MAP2K1: variants seen among roughly 807,000 people sequenced by gnomAD.
MAP2K1 encodes the protein mitogen-activated protein kinase kinase 1, also known as dual specificity mitogen-activated protein kinase kinase 1.
MAP2K1 carries 16 observed loss-of-function variants against 46.3 expected under a neutral mutation model. That is an observed-to-expected ratio of 0.35 (90% confidence interval 0.23 to 0.52). The LOEUF is 0.52. Ranked by LOEUF, MAP2K1 falls within the 20% of genes least tolerant of loss-of-function variation. MAP2K1 has a pLI of 0.94. For synonymous variants in MAP2K1, 183 were observed against 185.6 expected, an observed-to-expected ratio of 0.99 and a Z score of 0.11; for missense variants, 263 against 497.1, an observed-to-expected ratio of 0.53 and a Z score of 4.48.
intron 1 of MAP2K1, among the ~76,000 whole-genome samples, chr15:66,401,470 C>G (rs1218538286): frequency 1.3e-5 from 2 of 152,014 alleles, no homozygotes; most frequent in African/African-American, 4.8e-5. Context: ...TTTTGAATTG[C>G]ATCAATTCAG....
chr15:66,479,627 G>A (rs1023391787), intron 5 of MAP2K1, among the ~76,000 whole-genome samples: 1 of 152,212 alleles, frequency 6.6e-6, no homozygotes, highest in Admixed American at 6.5e-5. Context: ...CTACACCAGT[G>A]ATGCAGTGTG....
At chr15:66,420,747 G>GTATA (rs1567002949) in intron 1 of MAP2K1, among the ~76,000 whole-genome samples, 10 of 38,066 alleles carry the variant, frequency 2.6e-4, no homozygotes, top group African/African-American at 7.6e-4. Flanking sequence ...GTGTGTGTGT[G>GTATA]TGTGTGTGTG....
At chr15:66,490,185 A>G (rs1893201753) in intron 10 of MAP2K1, 2 of 527,452 alleles carry the variant, frequency 3.8e-6, no homozygotes, top group African/African-American at 3.8e-5. Flanking sequence ...TGTATATAGT[A>G]TATAATATGC....
chr15:66,462,885 G>A (rs899816468), intron 5 of MAP2K1, among the ~76,000 whole-genome samples: 1 of 152,182 alleles, frequency 6.6e-6, no homozygotes, highest in Non-Finnish European at 1.5e-5. Context: ...GTCAGTGCTC[G>A]GGAAGGGATG....
At chr15:66,433,064 C>T (rs1213808901) in intron 1 of MAP2K1, among the ~76,000 whole-genome samples, 1 of 151,210 alleles carries the variant, frequency 6.6e-6, no homozygotes, top group East Asian at 1.9e-4. Flanking sequence ...GCTGTAACCT[C>T]ACTCAGGTTT....
intron 1 of MAP2K1, among the ~76,000 whole-genome samples, chr15:66,404,889 T>C (rs891849): frequency 0.98 from 149,280 of 152,280 alleles, 73,240 homozygotes; most frequent in East Asian, 1. Flanking sequence ...AAGTTGCTTT[T>C]TTGATAGACA....
intron 1 of MAP2K1, among the ~76,000 whole-genome samples, chr15:66,412,539 T>C (rs543447553): frequency 1.2e-4 from 19 of 152,340 alleles, no homozygotes; most frequent in African/African-American, 4.3e-4. Flanking sequence ...ATGATAATTT[T>C]TACACTTACC....
intron 5 of MAP2K1, among the ~76,000 whole-genome samples, chr15:66,469,304 C>G (rs1236946427): frequency 6.6e-6 from 1 of 152,164 alleles, no homozygotes; most frequent in Non-Finnish European, 1.5e-5. Flanking sequence ...CTAAACTACA[C>G]TCTTCATTAA....
At chr15:66,467,496 C>CT (rs1260453674) in intron 5 of MAP2K1, among the ~76,000 whole-genome samples, 1 of 152,188 alleles carries the variant, frequency 6.6e-6, no homozygotes, top group Non-Finnish European at 1.5e-5. Flanking sequence ...GGTTATTTTA[C>CT]TAAATAATTC....
At chr15:66,423,673 T>C (rs1054994775) in intron 1 of MAP2K1, among the ~76,000 whole-genome samples, 1 of 139,318 alleles carries the variant, frequency 7.2e-6, no homozygotes. Context: ...AATGGCGCAA[T>C]CTCGGCTCAC....
rs114520239 is a variant in MAP2K1 at position 66,391,123 on chromosome 15, C to T, written c.80+3696C>T. ...CCAGGCTGGTTCTTGAACTCCTGGA[C>T]TCCAGTGATTCTACCACCTCAGCCT... On this transcript the variant is annotated intron_variant, in intron 1 of 10. Coordinates refer to ENST00000307102, the MANE Select transcript of MAP2K1 (RefSeq NM_002755.4). 3.7e-3 allele frequency among the ~76,000 whole-genome samples: 548 copies of T among 149,936 alleles called. 6 individuals are homozygous for T. The highest frequency in any genetic ancestry group is 0.013 in the African/African-American group (537 of 40,710).
intron 5 of MAP2K1, among the ~76,000 whole-genome samples, chr15:66,448,396 A>G (rs745469640): frequency 3.3e-5 from 5 of 152,220 alleles, no homozygotes; most frequent in Non-Finnish European, 5.9e-5. Flanking sequence ...GCTGTGGTCC[A>G]TAGCCACATT....
rs371828855 is a variant in MAP2K1, at chr15:66,415,150, A to G, written c.81-19877A>G. 123 of 525,534 alleles carry G rather than the reference A, an allele frequency of 2.3e-4. 1 individual carries two copies. In the East Asian group the frequency reaches 5.8e-3, roughly 25 times the overall value. 32.6% of individuals were successfully genotyped at this position (525,534 alleles called of 1,614,324 possible). On this transcript the variant is annotated intron_variant, in intron 1 of 10. Transcript: ENST00000307102. Reference sequence around the variant, plus strand: ...CAAGCTCCAGCTTGGCAGCTCCCCTAGTTTGACCTCCAGAAGTTTCTTGTT... The same window carrying G: ...CAAGCTCCAGCTTGGCAGCTCCCCTGGTTTGACCTCCAGAAGTTTCTTGTT...
chr15:66,454,129 G>A (rs1408123945), intron 5 of MAP2K1, among the ~76,000 whole-genome samples: 1 of 151,928 alleles, frequency 6.6e-6, no homozygotes, highest in East Asian at 2.0e-4. Flanking sequence ...GTAGCAAGAG[G>A]GGGTAAACCC....
At chr15:66,395,630 G>A (rs1595836725) in intron 1 of MAP2K1, among the ~76,000 whole-genome samples, 1 of 143,482 alleles carries the variant, frequency 7.0e-6, no homozygotes, top group Non-Finnish European at 1.5e-5. Context: ...GCTAGAGTGT[G>A]CAGTCACATG....
intron 1 of MAP2K1, among the ~76,000 whole-genome samples, chr15:66,410,855 C>T (rs1415419939): frequency 1.3e-5 from 2 of 152,176 alleles, no homozygotes; most frequent in Non-Finnish European, 2.9e-5. Context: ...GATCTTTGTA[C>T]ATATTTGTTC....
At chr15:66,469,466 T>C (rs1273711452) in intron 5 of MAP2K1, among the ~76,000 whole-genome samples, 2 of 127,982 alleles carry the variant, frequency 1.6e-5, no homozygotes, top group Non-Finnish European at 3.2e-5. Flanking sequence ...GGGAGTCTGG[T>C]GCCTCCTTTT....
At chr15:66,472,179 C>T (rs1892651696) in intron 5 of MAP2K1, among the ~76,000 whole-genome samples, 1 of 151,758 alleles carries the variant, frequency 6.6e-6, no homozygotes, top group African/African-American at 2.4e-5. Flanking sequence ...TGGTGGGTGC[C>T]TGTAGTCCCA....
intron 1 of MAP2K1, among the ~76,000 whole-genome samples, chr15:66,427,758 G>T (rs887830898): frequency 2.0e-5 from 3 of 152,014 alleles, no homozygotes; most frequent in Non-Finnish European, 4.4e-5. Context: ...GCTCACCCCT[G>T]TAATCCCAGC....
Sources: gnomAD v4.1 joint callset for allele counts (sites outside exome capture counted in the v4.1 genomes callset) on GRCh38, gnomAD v4.1.1 for gene constraint, MANE v1.5 for transcripts, NCBI Gene and HGNC (gene_info 2026-07-23, HGNC 2026-07-21) for gene names.